TYR: variants seen among roughly 807,000 people sequenced by gnomAD.
TYR encodes the protein LB24-AB.
In TYR, 58 loss-of-function variants were observed where a neutral mutation model predicts 51.5. The ratio of observed to expected loss-of-function variants is 1.13; its 90% confidence interval spans 0.91 to 1.40. The LOEUF is 1.40. Ranked by LOEUF, TYR falls within the 40% of genes most tolerant of loss-of-function variation. The pLI, the probability that TYR is intolerant of heterozygous loss-of-function variation, is 0.00. For synonymous variants in TYR, 263 were observed against 235.2 expected (o/e 1.12, Z -1.08); for missense variants, 732 against 647.4 (o/e 1.13, Z -1.42).
intron 3 of TYR, among the ~76,000 whole-genome samples, chr11:89,237,468 G>A (rs762036723): frequency 6.6e-6 from 1 of 152,116 alleles, no homozygotes; most frequent in African/African-American, 2.4e-5. Context: ...TATCCATTGT[G>A]TATTTGTGGC....
chr11:89,201,192 T>G (rs1020664112), intron 2 of TYR, among the ~76,000 whole-genome samples: 1 of 152,070 alleles, frequency 6.6e-6, no homozygotes, highest in Non-Finnish European at 1.5e-5. Context: ...TTTAAATTTT[T>G]GCTTGAAAAC....
intron 2 of TYR, among the ~76,000 whole-genome samples, chr11:89,202,625 A>ACACACACACACACACACACACG (rs1943612416): frequency 6.7e-6 from 1 of 150,212 alleles, no homozygotes. Flanking sequence ...TTCATAATAC[A>ACACACACACACACACACACACG]CACACACACA....
At chr11:89,204,327 C>T (rs1943641572) in intron 2 of TYR, among the ~76,000 whole-genome samples, 1 of 152,036 alleles carries the variant, frequency 6.6e-6, no homozygotes, top group Non-Finnish European at 1.5e-5. Flanking sequence ...ACTTCTATTG[C>T]TACTTAAAAG....
At chr11:89,199,709 T>C (rs1943571941) in intron 2 of TYR, among the ~76,000 whole-genome samples, 2 of 152,222 alleles carry the variant, frequency 1.3e-5, no homozygotes, top group Non-Finnish European at 2.9e-5. Context: ...CTTTTTCTCC[T>C]GCCACCTTCT....
intron 2 of TYR, among the ~76,000 whole-genome samples, chr11:89,214,754 G>A (rs1465793778): frequency 6.6e-6 from 1 of 152,058 alleles, no homozygotes; most frequent in African/African-American, 2.4e-5. Context: ...CCAAATATCA[G>A]AGCCAAGGGA....
At chr11:89,210,723 T>G (rs561207777) in intron 2 of TYR, among the ~76,000 whole-genome samples, 2 of 152,182 alleles carry the variant, frequency 1.3e-5, no homozygotes, top group African/African-American at 4.8e-5. Flanking sequence ...GAGAGAAAGG[T>G]TGGGTTACCC....
intron 3 of TYR, among the ~76,000 whole-genome samples, chr11:89,282,434 G>T (rs1944730581): frequency 6.6e-6 from 1 of 151,754 alleles, no homozygotes; most frequent in Admixed American, 6.6e-5. Flanking sequence ...TATCTATAAT[G>T]TGATTTCCTT....
intron 3 of TYR, among the ~76,000 whole-genome samples, chr11:89,272,110 A>G (rs1281896220): frequency 6.6e-6 from 1 of 151,896 alleles, no homozygotes; most frequent in African/African-American, 2.4e-5. Context: ...GCCACCTCCC[A>G]TGAAAATTAA....
At chr11:89,291,357 G>C (rs369594212) in intron 4 of TYR, among the ~76,000 whole-genome samples, 22 of 151,776 alleles carry the variant, frequency 1.4e-4, no homozygotes, top group Admixed American at 4.6e-4. Flanking sequence ...TTATCTAGCC[G>C]TATTTTATTT....
chr11:89,227,971 G>C lies in TYR; in HGVS notation c.1184+1G>C. The C allele has an allele frequency of 1.9e-6, 3 of 1,613,074 alleles. No individual in the cohort carries two copies. Among genetic ancestry groups the C allele is most frequent in the Non-Finnish European group, 1.7e-6 (2 of 1,179,522 alleles). On this transcript the variant is annotated splice_donor_variant, in intron 3 of 4. Transcript: ENST00000263321. LOFTEE classifies it high-confidence loss of function. Reference sequence around the variant, plus strand: ...TTCTTCACCATGCATTTGTTGACAGGTTGGTTAATATTTCTTTATAAATAA... The same window carrying C: ...TTCTTCACCATGCATTTGTTGACAGCTTGGTTAATATTTCTTTATAAATAA...
chr11:89,211,369 T>C (rs916440143), intron 2 of TYR, among the ~76,000 whole-genome samples: 1 of 152,136 alleles, frequency 6.6e-6, no homozygotes, highest in Non-Finnish European at 1.5e-5. Context: ...CATTACATAA[T>C]GGTAATGGGA....
In TYR at chr11:89,178,708, T is replaced by TG; in HGVS notation, c.758dup (p.Gly254ArgfsTer8). 1 of 1,614,110 alleles carries TG rather than the reference T, an allele frequency of 6.2e-7. No individual in the cohort carries two copies. The highest frequency in any genetic ancestry group is 8.5e-7 in the Non-Finnish European group (1 of 1,180,012). On this transcript the variant is annotated frameshift_variant, in exon 1 of 5. Coordinates refer to ENST00000263321, the MANE Select transcript of TYR (RefSeq NM_000372.5). LOFTEE classifies it high-confidence loss of function. Reference sequence around the variant, plus strand: ...TGTGACATTTGCACAGATGAGTACATGGGAGGTCAGCACCCCACAAATCCT... The same window carrying TG: ...TGTGACATTTGCACAGATGAGTACATGGGGAGGTCAGCACCCCACAAATCCT...
At chr11:89,215,242 G>A (rs2135272472) in intron 2 of TYR, among the ~76,000 whole-genome samples, 1 of 152,138 alleles carries the variant, frequency 6.6e-6, no homozygotes, top group African/African-American at 2.4e-5. Context: ...CTTCTCTGAT[G>A]AAGCTGAAAA....
At chr11:89,198,340 C>G (rs1943551150) in intron 2 of TYR, among the ~76,000 whole-genome samples, 1 of 152,184 alleles carries the variant, frequency 6.6e-6, no homozygotes, top group East Asian at 1.9e-4. Context: ...AATTGGAAGG[C>G]TAAACTATTT....
intron 2 of TYR, among the ~76,000 whole-genome samples, chr11:89,219,080 A>G (rs1943873442): frequency 6.6e-6 from 1 of 152,164 alleles, no homozygotes; most frequent in South Asian, 2.1e-4. Flanking sequence ...TAAATTACTT[A>G]GAACCATCCT....
intron 1 of TYR, among the ~76,000 whole-genome samples, chr11:89,180,728 A>G (rs1943290275): frequency 6.6e-6 from 1 of 152,154 alleles, no homozygotes; most frequent in African/African-American, 2.4e-5. Context: ...CAGTTTAAGA[A>G]AGGTGAAATG....
At chr11:89,213,459 G>T (rs1180601348) in intron 2 of TYR, among the ~76,000 whole-genome samples, 1 of 152,014 alleles carries the variant, frequency 6.6e-6, no homozygotes, top group Non-Finnish European at 1.5e-5. Flanking sequence ...AATGGAAGAA[G>T]ATTCAATGCT....
chr11:89,263,792 A>G (rs1486838878), intron 3 of TYR, among the ~76,000 whole-genome samples: 4 of 152,118 alleles, frequency 2.6e-5, no homozygotes. Flanking sequence ...TCAGGGCAAG[A>G]CTTATATACT....
intron 3 of TYR, among the ~76,000 whole-genome samples, chr11:89,275,834 G>A (rs899031152): frequency 7.9e-5 from 12 of 151,806 alleles, no homozygotes; most frequent in African/African-American, 2.4e-4. Context: ...GACAAAACTC[G>A]GTGATTGGCA....
Sources: gnomAD v4.1 joint callset for allele counts (sites outside exome capture counted in the v4.1 genomes callset) on GRCh38, gnomAD v4.1.1 for gene constraint, MANE v1.5 for transcripts, NCBI Gene and HGNC (gene_info 2026-07-23, HGNC 2026-07-21) for gene names.